CALN1: variants seen among roughly 807,000 people sequenced by gnomAD.
The protein encoded by CALN1 is calneuron 1.
A neutral mutation model predicts 30.6 loss-of-function variants in CALN1; 17 were observed. The ratio of observed to expected loss-of-function variants is 0.56; its 90% confidence interval spans 0.38 to 0.83. The LOEUF (loss-of-function observed/expected upper bound fraction) is 0.83, where lower values mean the gene tolerates loss of function less well. CALN1 is among the 40% of genes least tolerant of loss of function. The pLI is 0.00. For missense variants in CALN1, 291 were observed against 354.9 expected, an observed-to-expected ratio of 0.82 and a Z score of 1.45; for synonymous variants, 156 against 131.4, an observed-to-expected ratio of 1.19 and a Z score of -1.28.
chr7:72,040,712 G>A (rs957702134), intron 4 of CALN1, among the ~76,000 whole-genome samples: 13 of 152,168 alleles, frequency 8.5e-5, no homozygotes, highest in African/African-American at 2.9e-4. Context: ...ACGTGGCCAT[G>A]TGCAAACCAA....
intron 4 of CALN1, among the ~76,000 whole-genome samples, chr7:72,036,406 C>A (rs757622192): frequency 6.6e-6 from 1 of 152,186 alleles, no homozygotes; most frequent in Non-Finnish European, 1.5e-5. Flanking sequence ...TTCAACCATT[C>A]TTTCTTCAAA....
intron 3 of CALN1, among the ~76,000 whole-genome samples, chr7:72,231,369 T>C (rs1341577706): frequency 6.6e-6 from 1 of 152,204 alleles, no homozygotes; most frequent in Admixed American, 6.5e-5. Flanking sequence ...CACTTACAAG[T>C]GAGAACATGC....
At chr7:72,166,532 G>C (rs1158327177) in intron 3 of CALN1, among the ~76,000 whole-genome samples, 1 of 152,200 alleles carries the variant, frequency 6.6e-6, no homozygotes, top group East Asian at 1.9e-4. Context: ...TTTGTGACAA[G>C]CCACTGTTCA....
chr7:72,257,895 C>G (rs1308941737), intron 3 of CALN1, among the ~76,000 whole-genome samples: 1 of 152,062 alleles, frequency 6.6e-6, no homozygotes, highest in Non-Finnish European at 1.5e-5. Flanking sequence ...TTTCTCACTT[C>G]TAAGTGGGAG....
At chr7:71,840,644 T>C (rs1562828752) in intron 5 of CALN1, among the ~76,000 whole-genome samples, 3 of 152,270 alleles carry the variant, frequency 2.0e-5, no homozygotes, top group Non-Finnish European at 4.4e-5. Context: ...TGGGCTCTCT[T>C]AGGCATTGAT....
At chr7:72,084,387 T>A (rs776249033) in intron 4 of CALN1, among the ~76,000 whole-genome samples, 195 of 41,178 alleles carry the variant, frequency 4.7e-3, no homozygotes, top group African/African-American at 0.011. Context: ...TGTAGTAAAA[T>A]TTTTTTTTTT....
intron 2 of CALN1, among the ~76,000 whole-genome samples, chr7:72,393,688 T>G (rs964928508): frequency 6.6e-6 from 1 of 151,532 alleles, no homozygotes; most frequent in African/African-American, 2.4e-5. Flanking sequence ...TCCAAAGCCC[T>G]TTTGAAGGAA....
chr7:71,999,608 G>T (rs1799426713), intron 5 of CALN1, among the ~76,000 whole-genome samples: 1 of 151,428 alleles, frequency 6.6e-6, no homozygotes, highest in Non-Finnish European at 1.5e-5. Flanking sequence ...TCTGCATTCT[G>T]CCTCCCAAGT....
chr7:72,342,659 T>A (rs1802436351), intron 2 of CALN1, among the ~76,000 whole-genome samples: 1 of 152,180 alleles, frequency 6.6e-6, no homozygotes, highest in African/African-American at 2.4e-5. Flanking sequence ...CCTCTAGCTT[T>A]GGGATTCAGA....
chr7:72,257,742 A>G (rs770758661), intron 3 of CALN1, among the ~76,000 whole-genome samples: 1 of 152,226 alleles, frequency 6.6e-6, no homozygotes, highest in Non-Finnish European at 1.5e-5. Flanking sequence ...TGGATAAAGA[A>G]AATGTAGTAT....
At chr7:72,253,634 G>A (rs964054042) in intron 3 of CALN1, among the ~76,000 whole-genome samples, 2 of 152,290 alleles carry the variant, frequency 1.3e-5, no homozygotes, top group East Asian at 3.9e-4. Flanking sequence ...AGAACAGCAC[G>A]GGGGAACTAC....
At chr7:72,331,026 A>G (rs1801636224) in intron 2 of CALN1, among the ~76,000 whole-genome samples, 1 of 152,158 alleles carries the variant, frequency 6.6e-6, no homozygotes, top group African/African-American at 2.4e-5. Context: ...ACTGTCTTTT[A>G]GCAGAATCCT....
chr7:72,376,028 T>A (rs1204848604), intron 2 of CALN1, among the ~76,000 whole-genome samples: 2 of 152,204 alleles, frequency 1.3e-5, no homozygotes, highest in South Asian at 2.1e-4. Context: ...GTGTCCAGTT[T>A]CTTTGCCTAG....
At chr7:72,497,854 C>T in the CALN1 span, among the ~76,000 whole-genome samples, 1 of 152,186 alleles carries the variant, frequency 6.6e-6, no homozygotes, top group Non-Finnish European at 1.5e-5. Flanking sequence ...TCCCCACAGG[C>T]AACCCATGTG....
At chr7:71,999,775 A>C (rs1799435257) in intron 5 of CALN1, among the ~76,000 whole-genome samples, 1 of 152,198 alleles carries the variant, frequency 6.6e-6, no homozygotes, top group African/African-American at 2.4e-5. Flanking sequence ...AGCCTCCCAA[A>C]GTGCTGAGAT....
At chr7:72,220,670 G>A (rs1793218617) in intron 3 of CALN1, among the ~76,000 whole-genome samples, 1 of 152,140 alleles carries the variant, frequency 6.6e-6, no homozygotes, top group Admixed American at 6.5e-5. Context: ...CAGTGTAAAA[G>A]TGTTCCTATT....
rs113510590 is a variant in CALN1 at position 72,226,757 on chromosome 7, A to G, written c.244+51929T>C. On this transcript the variant is annotated intron_variant, in intron 3 of 6. Coordinates refer to ENST00000395275, the MANE Select transcript of CALN1 (RefSeq NM_031468.4). ...TCACATGGACAGGAAAATGGGAACCATAAGTCTGGCCACAGTGGCTCACAC... is the reference window on the plus strand; with the variant it reads ...TCACATGGACAGGAAAATGGGAACCGTAAGTCTGGCCACAGTGGCTCACAC... 2.7e-3 allele frequency among the ~76,000 whole-genome samples: 418 copies of G among 152,318 alleles called. 3 individuals are homozygous for G. The highest frequency in any genetic ancestry group is 9.4e-3 in the African/African-American group (392 of 41,580).
chr7:72,408,447 A>G (rs1806855180), intron 1 of CALN1, among the ~76,000 whole-genome samples: 3 of 151,958 alleles, frequency 2.0e-5, no homozygotes, highest in African/African-American at 7.3e-5. Flanking sequence ...TCAGAAAAAA[A>G]TTAAACACAC....
intron 6 of CALN1, among the ~76,000 whole-genome samples, chr7:71,791,284 G>A (rs1793369882): frequency 6.6e-6 from 1 of 152,106 alleles, no homozygotes. Context: ...TGTCTTTATG[G>A]TAAAGCAATT....
Sources: allele counts gnomAD v4.1 joint callset (sites outside exome capture counted in the v4.1 genomes callset), GRCh38; gene constraint gnomAD v4.1.1; transcripts MANE v1.5; gene names NCBI Gene and HGNC (gene_info 2026-07-23, HGNC 2026-07-21).